RPH3AL: variants seen among roughly 807,000 people sequenced by gnomAD.
RPH3AL encodes the protein rab effector Noc2.
Under a neutral mutation model 43.1 loss-of-function variants are expected in RPH3AL, and 38 were observed. That is an observed-to-expected ratio of 0.88 (90% CI 0.68 to 1.15). The LOEUF (loss-of-function observed/expected upper bound fraction) is 1.15. Among genes scored for constraint, RPH3AL ranks in the 50% most tolerant of loss-of-function variants. The pLI, the probability that RPH3AL is intolerant of heterozygous loss-of-function variation, is 0.00. For synonymous variants in RPH3AL, 189 were observed against 176.3 expected (o/e 1.07, Z -0.57); for missense variants, 462 against 423.2 (o/e 1.09, Z -0.81).
intron 5 of RPH3AL, among the ~76,000 whole-genome samples, chr17:315,686 C>CTT (rs2044042388): frequency 6.6e-6 from 1 of 151,658 alleles, no homozygotes. Flanking sequence ...TCCCTGTGAC[C>CTT]CCACCTCCAT....
In RPH3AL at chr17:219,611, TC is replaced by T; in HGVS notation, c.727+11del. On this transcript the variant is annotated intron_variant, in intron 8 of 9. Coordinates refer to ENST00000331302, the MANE Select transcript of RPH3AL (RefSeq NM_006987.4). ...GCCCGGCCAATAAGCAGCATTTCAC[TC>T]CCCACCTTACCTGACTCCTTCCAGG... The T allele has an allele frequency of 7.2e-7, 1 of 1,389,184 alleles. No homozygotes were observed. The allele number at this position is 1,389,184 out of a possible 1,614,324, so 86.1% of individuals were successfully genotyped here.
At chr17:311,123 C>T (rs576331136) in intron 5 of RPH3AL, among the ~76,000 whole-genome samples, 1 of 152,346 alleles carries the variant, frequency 6.6e-6, no homozygotes, top group South Asian at 2.1e-4. Context: ...CTGAAAGACT[C>T]CACCCTCTTA....
intron 7 of RPH3AL, among the ~76,000 whole-genome samples, chr17:235,533 C>CAAG (rs2041355282): frequency 2.1e-5 from 3 of 144,860 alleles, no homozygotes; most frequent in South Asian, 2.2e-4. Context: ...GGAGGCTCCA[C>CAAG]ACTAACAAGA....
intron 6 of RPH3AL, among the ~76,000 whole-genome samples, chr17:263,402 C>T (rs1555546971): frequency 6.6e-6 from 1 of 152,146 alleles, no homozygotes; most frequent in African/African-American, 2.4e-5. Context: ...AGAGAGTCTC[C>T]CAAGTTGGTA....
At chr17:314,330 C>A (rs977335448) in intron 5 of RPH3AL, among the ~76,000 whole-genome samples, 3 of 151,950 alleles carry the variant, frequency 2.0e-5, no homozygotes, top group Non-Finnish European at 4.4e-5. Context: ...GAGGAGGAAG[C>A]ACACTGCCAG....
chr17:247,039 C>T lies in RPH3AL; in HGVS notation c.613+72G>A, dbSNP rs865805720. On this transcript the variant is annotated intron_variant, in intron 7 of 9. Coordinates refer to ENST00000331302, the MANE Select transcript of RPH3AL (RefSeq NM_006987.4). ...AGGGTGCGGGGGACTGGCCTTGTGC[C>T]TGCAAACTGCCGGGCTGGCTAATGA... 27 of 1,565,944 alleles carry T rather than the reference C, an allele frequency of 1.7e-5. No individual in the cohort carries two copies. The Middle Eastern group carries it at 5.0e-4, about 29-fold the overall frequency.
chr17:272,108 A>C (rs1298273079), intron 6 of RPH3AL, among the ~76,000 whole-genome samples: 1 of 152,210 alleles, frequency 6.6e-6, no homozygotes, highest in Non-Finnish European at 1.5e-5. Context: ...AGAAAACAAC[A>C]GGTGCTGGAG....
chr17:319,569 G>A lies in RPH3AL; in HGVS notation c.222-20C>T, dbSNP rs1443568499. 6.2e-7 allele frequency: 1 copy of A among 1,608,508 alleles called. No individual in the cohort carries two copies. Among genetic ancestry groups the A allele is most frequent in the East Asian group, 2.2e-5 (1 of 44,806 alleles). ...AGCCGCCTGCAGCACAGGACACAGA[G>A]TCAGAGGGACTGTGCTTCCTGCCTG... On this transcript the variant is annotated intron_variant, in intron 4 of 9. Coordinates refer to ENST00000331302, the MANE Select transcript of RPH3AL (RefSeq NM_006987.4).
At chr17:304,990 A>G (rs1460099021) in intron 5 of RPH3AL, among the ~76,000 whole-genome samples, 2 of 31,360 alleles carry the variant, frequency 6.4e-5, no homozygotes, top group African/African-American at 2.6e-4. Flanking sequence ...GGAGGGGGAC[A>G]GGGCGAGAGG....
At position 323,051 on chromosome 17, in the gene RPH3AL, G is replaced by T. The variant is rs1045103180; in HGVS notation, c.78-1636C>A. ...AGCAAATTCCCAATTGCCTGCAAAT[G>T]GTCGTTAATAGTGATAACTGTAATT... On this transcript the variant is annotated intron_variant, in intron 3 of 9. Coordinates refer to ENST00000331302, the MANE Select transcript of RPH3AL (RefSeq NM_006987.4). The surrounding 1 kb of genome is among the most constrained non-coding windows in gnomAD (Gnocchi z 4.4). 6.6e-6 allele frequency among the ~76,000 whole-genome samples: 1 copy of T among 152,112 alleles called. No individual in the cohort carries two copies. Among genetic ancestry groups the T allele is most frequent in the Non-Finnish European group, 1.5e-5 (1 of 68,022 alleles).
At chr17:232,393 G>A (rs2041249851) in intron 7 of RPH3AL, among the ~76,000 whole-genome samples, 1 of 152,230 alleles carries the variant, frequency 6.6e-6, no homozygotes, top group Non-Finnish European at 1.5e-5. Context: ...AGCTGTTGCT[G>A]TTTTTATCGG....
chr17:324,711 C>G (rs1249737469), intron 3 of RPH3AL, among the ~76,000 whole-genome samples: 4 of 100,582 alleles, frequency 4.0e-5, no homozygotes, highest in African/African-American at 1.0e-4. Context: ...AGCTATGTAC[C>G]TATCTATCTA....
intron 4 of RPH3AL, 78 bp from the exon 5 acceptor site, chr17:319,627 A>G: frequency 1.9e-6 from 3 of 1,551,226 alleles, no homozygotes; most frequent in Non-Finnish European, 1.7e-6. Flanking sequence ...AAACCGTACC[A>G]TGCCACATGT....
At chr17:240,860 C>T (rs1361985105) in intron 7 of RPH3AL, among the ~76,000 whole-genome samples, 2 of 151,770 alleles carry the variant, frequency 1.3e-5, no homozygotes, top group African/African-American at 4.8e-5. Context: ...GAGATCGAGA[C>T]CAGCCTGGCC....
At chr17:308,699 G>T (rs2043561849) in intron 5 of RPH3AL, among the ~76,000 whole-genome samples, 1 of 152,220 alleles carries the variant, frequency 6.6e-6, no homozygotes, top group African/African-American at 2.4e-5. Flanking sequence ...TTAAACTGCA[G>T]CTTCTAGTTT....
At chr17:317,013 T>G (rs1337676814) in intron 5 of RPH3AL, among the ~76,000 whole-genome samples, 3 of 135,696 alleles carry the variant, frequency 2.2e-5, no homozygotes, top group Admixed American at 2.2e-4. Context: ...CATTGACCTG[T>G]AGTCTCTGTG....
intron 9 of RPH3AL, among the ~76,000 whole-genome samples, chr17:214,181 C>T (rs772011847): frequency 3.4e-4 from 52 of 152,216 alleles, no homozygotes; most frequent in Admixed American, 7.2e-4. Flanking sequence ...CTCAGGATGC[C>T]GGAAGGAGCA....
chr17:219,842 T>G, intron 7 of RPH3AL, 106 bp from the exon 8 acceptor site: 2 of 771,752 alleles, frequency 2.6e-6, no homozygotes, highest in Non-Finnish European at 4.6e-6. Context: ...CCACGTGGCG[T>G]AGCAGCTCAG....
chr17:273,488 C>T (rs373095274), intron 6 of RPH3AL, among the ~76,000 whole-genome samples: 2 of 29,584 alleles, frequency 6.8e-5, no homozygotes, highest in African/African-American at 8.9e-5. Context: ...CCAGCGAGGG[C>T]GACGTCGGGG....
Sources: gnomAD v4.1 joint callset for allele counts (sites outside exome capture counted in the v4.1 genomes callset) on GRCh38, gnomAD v4.1.1 for gene constraint, Gnocchi (gnomAD v3.1) non-coding constraint, MANE v1.5 for transcripts, NCBI Gene and HGNC (gene_info 2026-07-23, HGNC 2026-07-21) for gene names.